The following ITGB1 variants were observed in gnomAD, a reference collection of about 807,000 sequenced individuals.
ITGB1 encodes integrin beta-1.
ITGB1 carries 24 observed loss-of-function variants against 86.5 expected under a neutral mutation model. That is an observed-to-expected ratio of 0.28 (90% CI 0.20 to 0.39). ITGB1 has a LOEUF of 0.39. Ranked by LOEUF, ITGB1 falls within the 10% of genes least tolerant of loss-of-function variation. ITGB1 has a pLI of 1.00. For missense variants in ITGB1, 556 were observed against 946.9 expected (o/e 0.59, Z 5.42); for synonymous variants, 323 against 316.8 (o/e 1.02, Z -0.21).
Position 32,925,988 on chromosome 10 carries a change from G to C in ITGB1, c.669C>G (p.Leu223=). 1.2e-6 allele frequency: 2 copies of C among 1,613,658 alleles called. No homozygotes were observed. Residue 223 remains leucine, a synonymous_variant, in exon 6 of 16, where the codon CTC becomes CTG. Transcript: ENST00000302278. The part of the protein sequence containing the change: ...CTSPFSYKNV[L]SLTNKGEVFN... ...ATACTTCTCCTTTATTAGTAAGACT[G>C]AGCACATTTTTGTAGCTAAATGGGC...
intron 15 of ITGB1, among the ~76,000 whole-genome samples, chr10:32,907,910 A>C (rs2094901648): frequency 1.3e-5 from 2 of 152,224 alleles, no homozygotes; most frequent in Admixed American, 6.5e-5. Context: ...ATTCAAAGCT[A>C]TTCTGGGCTG....
chr10:32,936,436 GAAAGA>G (rs891959991), intron 1 of ITGB1, among the ~76,000 whole-genome samples: 5 of 151,524 alleles, frequency 3.3e-5, no homozygotes, highest in African/African-American at 9.7e-5. Flanking sequence ...CAAAAAAAAA[GAAAGA>G]AAAGAAAAGA....
chr10:32,921,018 A>C (rs4339984), intron 9 of ITGB1, among the ~76,000 whole-genome samples: 8,064 of 142,910 alleles, frequency 0.056, 227 homozygotes, highest in Middle Eastern at 0.081. Context: ...GAAACCCCCC[A>C]AAAAAAAACG....
Position 32,922,351 on chromosome 10 carries a change from AAT to A in ITGB1, c.1039-7_1039-6del, listed in dbSNP as rs779615094. ...AGGGATCAAGTTTTTCAGCTCCTGC[AAT>A]TAAAAGATAAAACACGTAAAATACA... On this transcript the variant is annotated splice_region_variant and splice_polypyrimidine_tract_variant and intron_variant, in intron 8 of 15. Coordinates refer to ENST00000302278, the MANE Select transcript of ITGB1 (RefSeq NM_002211.4). 1.3e-6 allele frequency: 2 copies of A among 1,592,910 alleles called. No homozygotes were observed. The highest frequency in any genetic ancestry group is 4.5e-5 in the East Asian group (2 of 44,560).
intron 1 of ITGB1, chr10:32,953,545 C>G (rs200939523): frequency 6.9e-6 from 1 of 144,512 alleles, no homozygotes; most frequent in Non-Finnish European, 1.5e-5. Context: ...TCTGGTGATA[C>G]AAAAAAAAAA....
At chr10:32,956,639 T>C (rs1454365899) in intron 1 of ITGB1, among the ~76,000 whole-genome samples, 2 of 152,034 alleles carry the variant, frequency 1.3e-5, no homozygotes, top group Non-Finnish European at 2.9e-5. Context: ...GCCTCGGAGG[T>C]TGAGGCTGCA....
At chr10:32,938,204 A>C (rs568210392) in intron 1 of ITGB1, among the ~76,000 whole-genome samples, 12 of 152,338 alleles carry the variant, frequency 7.9e-5, no homozygotes, top group African/African-American at 2.9e-4. Context: ...TTAGACTATA[A>C]TTCTAAGCAA....
chr10:32,945,065 C>T, intron 1 of ITGB1: 2 of 507,538 alleles, frequency 3.9e-6, no homozygotes, highest in Non-Finnish European at 7.3e-6. Context: ...TTAAAAACTG[C>T]TTTTCCTAAG....
chr10:32,909,949 G>A (rs939919881), intron 14 of ITGB1, among the ~76,000 whole-genome samples: 1 of 152,064 alleles, frequency 6.6e-6, no homozygotes, highest in Admixed American at 6.5e-5. Context: ...GTCAGGCATC[G>A]TTCTAAGTGT....
intron 14 of ITGB1, among the ~76,000 whole-genome samples, chr10:32,908,762 TAA>T (rs10586245): frequency 0.11 from 17,041 of 152,170 alleles, 1,098 homozygotes; most frequent in Admixed American, 0.21. Flanking sequence ...ATTGAAAATA[TAA>T]GTTTTTAAAC....
At chr10:32,941,641 T>C (rs1345144334) in intron 1 of ITGB1, among the ~76,000 whole-genome samples, 1 of 151,936 alleles carries the variant, frequency 6.6e-6, no homozygotes, top group Non-Finnish European at 1.5e-5. Flanking sequence ...AGAAACTCAG[T>C]GGAGAAAAGG....
Position 32,945,041 on chromosome 10 carries a change from C to A in ITGB1, c.1-9483G>T. The A allele has an allele frequency of 3.5e-6, 2 of 564,088 alleles. 1 individual carries two copies. Among genetic ancestry groups the A allele is most frequent in the South Asian group, 3.9e-5 (2 of 51,684 alleles). 34.9% of individuals were successfully genotyped at this position (564,088 alleles called of 1,614,324 possible). A position where few individuals can be genotyped will look rare whatever the true frequency, so the allele number is the denominator to read the frequency against. On this transcript the variant is annotated intron_variant, in intron 1 of 15. Coordinates refer to ENST00000302278, the MANE Select transcript of ITGB1 (RefSeq NM_002211.4). ...TGTAACTAGTAAGATGAGCAAACCT[C>A]CTATTCCTTGAATTTAAAAACTGCT...
chr10:32,942,717 C>T (rs1447858921), intron 1 of ITGB1, among the ~76,000 whole-genome samples: 1 of 145,670 alleles, frequency 6.9e-6, no homozygotes, highest in Non-Finnish European at 1.5e-5. Context: ...CAGGGTCTTG[C>T]TCTGTCGCCT....
intron 15 of ITGB1, among the ~76,000 whole-genome samples, chr10:32,905,967 T>C (rs1490646225): frequency 6.6e-6 from 1 of 152,190 alleles, no homozygotes; most frequent in Non-Finnish European, 1.5e-5. Context: ...ATGATTTTAT[T>C]AGAATATGCT....
At chr10:32,912,688 T>A (rs2504022) in intron 11 of ITGB1, among the ~76,000 whole-genome samples, 1 of 152,222 alleles carries the variant, frequency 6.6e-6, no homozygotes, top group Non-Finnish European at 1.5e-5. Flanking sequence ...TGAAGCCCAT[T>A]GCAGCTCAAG....
intron 1 of ITGB1, among the ~76,000 whole-genome samples, chr10:32,946,949 A>G (rs923014485): frequency 1.3e-5 from 2 of 151,868 alleles, no homozygotes; most frequent in Non-Finnish European, 2.9e-5. Context: ...GGTTCAAGCA[A>G]TTCTCCTGCC....
In ITGB1 at chr10:32,901,324, CA is replaced by C; in HGVS notation, c.*245del. On this transcript the variant is annotated 3_prime_UTR_variant, in exon 16 of 16. Transcript: ENST00000302278. ...TTTCAATAGTCCAGGAAGAAAAGGT[CA>C]AAAAGGCACAATGTGACCTTAGCTG... 1 of 393,212 alleles carries C rather than the reference CA, an allele frequency of 2.5e-6. No homozygotes were observed. Among genetic ancestry groups the C allele is most frequent in the Non-Finnish European group, 4.6e-6 (1 of 217,866 alleles). 24.4% of individuals were successfully genotyped at this position (393,212 alleles called of 1,614,324 possible). A position where few individuals can be genotyped will look rare whatever the true frequency, so the allele number is the denominator to read the frequency against.
intron 1 of ITGB1, chr10:32,944,848 G>C: frequency 8.3e-7 from 1 of 1,198,498 alleles, no homozygotes; most frequent in Non-Finnish European, 1.2e-6. Context: ...ATCTGACTGG[G>C]GATCCTCTCA....
intron 3 of ITGB1, among the ~76,000 whole-genome samples, chr10:32,930,900 G>C (rs1262793192): frequency 1.3e-5 from 2 of 152,060 alleles, no homozygotes; most frequent in African/African-American, 4.8e-5. Flanking sequence ...TGCTGTTAAA[G>C]ATCTATATAA....
Sources: allele counts gnomAD v4.1 joint callset (sites outside exome capture counted in the v4.1 genomes callset), GRCh38; gene constraint gnomAD v4.1.1; transcripts MANE v1.5; gene names NCBI Gene and HGNC (gene_info 2026-07-23, HGNC 2026-07-21).